CSMD3: variants seen among roughly 807,000 people sequenced by gnomAD.
The protein encoded by CSMD3 is CUB and Sushi multiple domains 3, also known as CUB and sushi domain-containing protein 3.
Under a neutral mutation model 435.2 loss-of-function variants are expected in CSMD3, and 177 were observed. The ratio of observed to expected loss-of-function variants is 0.41; its 90% CI spans 0.36 to 0.46. The LOEUF (loss-of-function observed/expected upper bound fraction) is 0.46. CSMD3 is among the 20% of genes least tolerant of loss of function. The pLI is 0.34. For missense variants in CSMD3, 4,265 were observed against 4,504.6 expected (o/e 0.95, Z 1.52); for synonymous variants, 1,656 against 1,520.5 (o/e 1.09, Z -2.07).
intron 4 of CSMD3, 136 bp from the exon 5 acceptor site, chr8:113,099,099 G>C: frequency 1.5e-6 from 1 of 664,778 alleles, no homozygotes; most frequent in South Asian, 1.7e-5. Flanking sequence ...TATACTAATA[G>C]AGATTAAATA....
chr8:112,690,594 C>A (rs1053617726), intron 13 of CSMD3, among the ~76,000 whole-genome samples: 4 of 150,010 alleles, frequency 2.7e-5, no homozygotes, highest in South Asian at 2.1e-4. Flanking sequence ...TAGACCCCCC[C>A]CCCCAACAAA....
chr8:112,618,784 A>T (rs1347730191), intron 22 of CSMD3, among the ~76,000 whole-genome samples: 1 of 152,078 alleles, frequency 6.6e-6, no homozygotes, highest in East Asian at 1.9e-4. Context: ...CTAATACTGA[A>T]ACCACTCTAT....
chr8:113,166,900 A>G (rs905737959), intron 4 of CSMD3, among the ~76,000 whole-genome samples: 15 of 152,186 alleles, frequency 9.9e-5, no homozygotes, highest in African/African-American at 2.9e-4. Context: ...CGTAGTTATT[A>G]CTAGTTGTTG....
At position 112,975,827 on chromosome 8, in the gene CSMD3, C is replaced by T. The variant is rs2130931224; in HGVS notation, c.1342+10G>A. The T allele has an allele frequency of 1.2e-6, 2 of 1,612,548 alleles. No individual in the cohort carries two copies. Among genetic ancestry groups the T allele is most frequent in the Non-Finnish European group, 8.5e-7 (1 of 1,179,718 alleles). ...AACTAAATGGGCACAAGTAAAATAA[C>T]ATCCAATACCTCTATGAGTAACAAC... On this transcript the variant is annotated intron_variant, in intron 7 of 70. Coordinates refer to ENST00000297405, the MANE Select transcript of CSMD3 (RefSeq NM_198123.2).
chr8:112,464,414 ATTGT>A (rs899524998), intron 32 of CSMD3, among the ~76,000 whole-genome samples: 8 of 152,206 alleles, frequency 5.3e-5, no homozygotes, highest in African/African-American at 1.7e-4. Context: ...TAAAGCAACC[ATTGT>A]TTCTAACCTT....
intron 13 of CSMD3, among the ~76,000 whole-genome samples, chr8:112,699,584 GA>G (rs1271503272): frequency 6.6e-6 from 1 of 152,220 alleles, no homozygotes; most frequent in East Asian, 1.9e-4. Flanking sequence ...TCACAAAGGT[GA>G]AATTGGTGAT....
intron 5 of CSMD3, among the ~76,000 whole-genome samples, chr8:113,080,897 T>C (rs1429070774): frequency 6.6e-6 from 1 of 152,192 alleles, no homozygotes; most frequent in Non-Finnish European, 1.5e-5. Flanking sequence ...TTTGAAGCAA[T>C]GAAAGACAAA....
At chr8:112,505,416 T>C (rs1479973999) in intron 29 of CSMD3, among the ~76,000 whole-genome samples, 5 of 152,136 alleles carry the variant, frequency 3.3e-5, no homozygotes, top group Non-Finnish European at 5.9e-5. Context: ...TTTCATCTCT[T>C]CCAACATTAA....
rs188011447 is a variant in CSMD3 at position 112,230,171 on chromosome 8, T to C, written c.10829-1280A>G. 6.6e-4 allele frequency among the ~76,000 whole-genome samples: 100 copies of C among 152,272 alleles called. 2 individuals carry two copies. The highest frequency in any genetic ancestry group is 3.4e-3 in the Middle Eastern group (1 of 294). On this transcript the variant is annotated intron_variant, in intron 69 of 70. Transcript: ENST00000297405. ...TTCTTAAAAGGAAATAGTTCCTTTT[T>C]TGTGGGTTCTGCTTCAGACTTGTAG...
chr8:113,026,775 C>G (rs1455452336), intron 5 of CSMD3, among the ~76,000 whole-genome samples: 2 of 152,022 alleles, frequency 1.3e-5, no homozygotes, highest in Non-Finnish European at 2.9e-5. Context: ...ATTCAAGGCC[C>G]ATCTAAAATT....
intron 6 of CSMD3, among the ~76,000 whole-genome samples, chr8:112,979,365 T>C (rs1020445448): frequency 1.3e-5 from 2 of 151,736 alleles, no homozygotes; most frequent in African/African-American, 4.8e-5. Flanking sequence ...TTATGTCATA[T>C]ATTGCATTTA....
rs186401499 is a variant in CSMD3 at position 112,894,766 on chromosome 8, C to A, written c.1633+26861G>T. On this transcript the variant is annotated intron_variant, in intron 10 of 70. Transcript: ENST00000297405. ...TGTCTATTCATGTTACTTGCTACTACTAATGTATTAATTGCTTGGAAAATA... is the reference window on the plus strand; with the variant it reads ...TGTCTATTCATGTTACTTGCTACTAATAATGTATTAATTGCTTGGAAAATA... 7.3e-5 allele frequency among the ~76,000 whole-genome samples: 11 copies of A among 150,960 alleles called. No homozygotes were observed. In the East Asian group the frequency reaches 2.0e-3, roughly 27 times the overall value.
chr8:112,263,919 C>T (rs975809891), intron 60 of CSMD3, 107 bp from the exon 61 acceptor site: 15 of 971,324 alleles, frequency 1.5e-5, no homozygotes, highest in African/African-American at 1.1e-4. Flanking sequence ...TTAACCTTTT[C>T]GAGGACAATA....
chr8:112,307,472 G>A (rs1011626408), intron 50 of CSMD3, among the ~76,000 whole-genome samples: 16 of 151,824 alleles, frequency 1.1e-4, no homozygotes, highest in Non-Finnish European at 8.8e-5. Flanking sequence ...TTGTAGACAC[G>A]GGTTTTCGTC....
At chr8:112,269,467 C>T (rs964986856) in intron 59 of CSMD3, among the ~76,000 whole-genome samples, 4 of 152,132 alleles carry the variant, frequency 2.6e-5, no homozygotes, top group Non-Finnish European at 5.9e-5. Flanking sequence ...AAAATATCAT[C>T]CAAGAAAATG....
chr8:113,296,840 C>A (rs1229742132), intron 2 of CSMD3, among the ~76,000 whole-genome samples: 1 of 152,064 alleles, frequency 6.6e-6, no homozygotes, highest in East Asian at 1.9e-4. Flanking sequence ...TGCCCCATCA[C>A]GAAAACCATT....
At chr8:113,095,216 A>G (rs182768529) in intron 5 of CSMD3, among the ~76,000 whole-genome samples, 113 of 152,272 alleles carry the variant, frequency 7.4e-4, no homozygotes, top group African/African-American at 2.4e-3. Context: ...ATTTTCATCA[A>G]AGTTAACAGT....
rs1444526855 is a variant in CSMD3, at chr8:112,304,894, T to C, written c.8093A>G (p.Asn2698Ser). 3 of 1,613,690 alleles carry C rather than the reference T, an allele frequency of 1.9e-6. No individual in the cohort carries two copies. Among genetic ancestry groups the C allele is most frequent in the Non-Finnish European group, 2.5e-6 (3 of 1,179,810 alleles). Residue 2698 changes from asparagine to serine, a missense_variant, in exon 52 of 71, where the codon AAT (asparagine) becomes AGT (serine). Asn to Ser is a conservative substitution (Grantham distance 46). Coordinates refer to ENST00000297405, the MANE Select transcript of CSMD3 (RefSeq NM_198123.2). ...RCVVVTCPSI[N>S]SFILEHGRWR... ...TCTTCCATGTTCCAAGATAAAGGAA[T>C]TGATGCTTGGACATGTAACAACTAT... is the stretch of plus-strand genomic sequence containing the variant.
At chr8:112,657,070 T>C (rs1206474421) in intron 17 of CSMD3, among the ~76,000 whole-genome samples, 1 of 150,870 alleles carries the variant, frequency 6.6e-6, no homozygotes, top group Non-Finnish European at 1.5e-5. Flanking sequence ...ACTTTTTTTT[T>C]TTTTTTTTTT....
Sources: gnomAD v4.1 joint callset for allele counts (sites outside exome capture counted in the v4.1 genomes callset) on GRCh38, gnomAD v4.1.1 for gene constraint, MANE v1.5 for transcripts, NCBI Gene and HGNC (gene_info 2026-07-23, HGNC 2026-07-21) for gene names.